The following HHIPL1 variants were observed in gnomAD, a reference collection of about 807,000 sequenced individuals.
The protein encoded by HHIPL1 is HHIP-like protein 1.
HHIPL1 carries 43 observed loss-of-function variants against 61.8 expected under a neutral mutation model. That is an observed-to-expected ratio of 0.70 (90% CI 0.55 to 0.90). The LOEUF (loss-of-function observed/expected upper bound fraction) is 0.90, where lower values mean the gene tolerates loss of function less well. Ranked by LOEUF, HHIPL1 falls within the 40% of genes least tolerant of loss-of-function variation. The pLI, the probability that HHIPL1 is intolerant of heterozygous loss-of-function variation, is 0.00. For missense variants in HHIPL1, 1,056 were observed against 1,157.7 expected (o/e 0.91, Z 1.28); for synonymous variants, 482 against 515.8 (o/e 0.93, Z 0.89).
At chr14:99,620,515 G>A in the HHIPL1 span, among the ~76,000 whole-genome samples, 1 of 152,268 alleles carries the variant, frequency 6.6e-6, no homozygotes, top group Non-Finnish European at 1.5e-5. Context: ...GAGAAGAGGG[G>A]TGTCCAGGCT....
At chr14:99,637,260 G>GAAAT in the HHIPL1 span, among the ~76,000 whole-genome samples, 2 of 145,376 alleles carry the variant, frequency 1.4e-5, no homozygotes, top group African/African-American at 5.2e-5. Context: ...AAGAAAGAAA[G>GAAAT]AAAGAAAAAG....
chr14:99,626,290 G>A, the HHIPL1 span, among the ~76,000 whole-genome samples: 3 of 152,092 alleles, frequency 2.0e-5, no homozygotes, highest in African/African-American at 7.2e-5. Context: ...GTGTGTGTGT[G>A]TATGCATGTG....
chr14:99,646,396 G>A (rs1471185337), intron 1 of HHIPL1, among the ~76,000 whole-genome samples: 2 of 152,264 alleles, frequency 1.3e-5, no homozygotes, highest in African/African-American at 2.4e-5. Context: ...GGGCAAGAAG[G>A]CTGACTTGGA....
At chr14:99,630,622 A>G in the HHIPL1 span, among the ~76,000 whole-genome samples, 1 of 152,208 alleles carries the variant, frequency 6.6e-6, no homozygotes, top group African/African-American at 2.4e-5. Context: ...ACGGAGGGGA[A>G]GGGTCCACCG....
chr14:99,659,318 C>T, intron 3 of HHIPL1, 110 bp from the exon 4 acceptor site: 1 of 835,780 alleles, frequency 1.2e-6, no homozygotes, highest in Non-Finnish European at 1.7e-6. Context: ...CCTAGGCTCA[C>T]CCTGCACCTG....
intron 5 of HHIPL1, among the ~76,000 whole-genome samples, chr14:99,662,457 T>C (rs540051168): frequency 6.6e-6 from 1 of 152,316 alleles, no homozygotes; most frequent in South Asian, 2.1e-4. Flanking sequence ...GTGGGCTGGA[T>C]TGCATTCAGC....
At chr14:99,637,200 GGAAGAAAGAAAGAAAGA>G in the HHIPL1 span, among the ~76,000 whole-genome samples, 661 of 104,252 alleles carry the variant, frequency 6.3e-3, 4 homozygotes, top group Non-Finnish European at 9.1e-3. Flanking sequence ...AAGAAAGAAA[GGAAGAAAGAAAGAAAGA>G]AAGAAAGAAA....
At chr14:99,657,335 A>C (rs2056065632) in intron 3 of HHIPL1, among the ~76,000 whole-genome samples, 192 bp downstream of exon 3, 1 of 152,164 alleles carries the variant, frequency 6.6e-6, no homozygotes, top group South Asian at 2.1e-4. Flanking sequence ...GAGGGGGTAA[A>C]AGTCCACTCT....
At chr14:99,633,354 G>T in the HHIPL1 span, among the ~76,000 whole-genome samples, 1 of 152,206 alleles carries the variant, frequency 6.6e-6, no homozygotes, top group South Asian at 2.1e-4. Context: ...GGCACTGTGG[G>T]GACACCCAGG....
At chr14:99,632,132 G>A in the HHIPL1 span, among the ~76,000 whole-genome samples, 22 of 152,324 alleles carry the variant, frequency 1.4e-4, no homozygotes, top group African/African-American at 4.8e-4. Context: ...TCTGTCATCC[G>A]TCTGCAACTG....
chr14:99,659,406 C>G (rs1362761984), intron 3 of HHIPL1, 22 bp from the exon 4 acceptor site: 1 of 1,405,022 alleles, frequency 7.1e-7, no homozygotes, highest in Non-Finnish European at 9.2e-7. Flanking sequence ...CCGAGCCGCG[C>G]CCTCTCCCAC....
rs776186430 is a variant in HHIPL1, at chr14:99,660,275, C to T, written c.1376-5C>T. ...ACCGAAGCTTCTCTCCCTCCCACCC[C>T]GCAGATGACTTGCTGCCGATTTTCG... is the stretch of plus-strand genomic sequence containing the variant. On this transcript the variant is annotated splice_region_variant and splice_polypyrimidine_tract_variant and intron_variant, in intron 4 of 8. Coordinates refer to ENST00000330710, the MANE Select transcript of HHIPL1 (RefSeq NM_001127258.3). This position sits in a 1 kb window ranked among gnomAD's most constrained non-coding sequence, Gnocchi z 4.9. The T allele has an allele frequency of 6.2e-7, 1 of 1,613,920 alleles. No individual in the cohort carries two copies. The highest frequency in any genetic ancestry group is 8.5e-7 in the Non-Finnish European group (1 of 1,180,008).
intron 8 of HHIPL1, among the ~76,000 whole-genome samples, chr14:99,674,472 C>A (rs2056363141): frequency 6.6e-6 from 1 of 152,084 alleles, no homozygotes; most frequent in Non-Finnish European, 1.5e-5. Context: ...CCAGAGTTCC[C>A]CCATCGTACC....
chr14:99,660,906 C>G lies in HHIPL1; in HGVS notation c.1502+500C>G, dbSNP rs937277641. 2.0e-5 allele frequency among the ~76,000 whole-genome samples: 3 copies of G among 152,202 alleles called. No homozygotes were observed. The highest frequency in any genetic ancestry group is 4.4e-5 in the Non-Finnish European group (3 of 68,030). On this transcript the variant is annotated intron_variant, in intron 5 of 8. Transcript: ENST00000330710. This position sits in a 1 kb window ranked among gnomAD's most constrained non-coding sequence, Gnocchi z 4.9. ...GTTGAGAAACTAAGACCCGAGAGAA[C>G]AGTGGCTGCCCATGGGCCTCCTAAT...
chr14:99,634,675 C>T, the HHIPL1 span, among the ~76,000 whole-genome samples: 3 of 152,162 alleles, frequency 2.0e-5, no homozygotes, highest in Non-Finnish European at 4.4e-5. Flanking sequence ...GATAAGGAAA[C>T]GGGCTCAGCC....
At chr14:99,619,332 G>A in the HHIPL1 span, among the ~76,000 whole-genome samples, 3 of 151,702 alleles carry the variant, frequency 2.0e-5, no homozygotes, top group South Asian at 6.3e-4. Context: ...TGTGGTGGCG[G>A]GCACCTGTAA....
rs2056421858 is a variant in HHIPL1, at chr14:99,679,673, G to T, written c.*4047G>T. On this transcript the variant is annotated 3_prime_UTR_variant, in exon 9 of 9. Coordinates refer to ENST00000330710, the MANE Select transcript of HHIPL1 (RefSeq NM_001127258.3). ...CATTGCAAAATAGAGGTCACCAGAAGGATTACTGGATGAAAAATGAGGTAG... is the reference window on the plus strand; with the variant it reads ...CATTGCAAAATAGAGGTCACCAGAATGATTACTGGATGAAAAATGAGGTAG... The T allele has an allele frequency of 6.6e-6, 1 of 152,252 alleles. No homozygotes were observed. Among genetic ancestry groups the T allele is most frequent in the Non-Finnish European group, 1.5e-5 (1 of 68,054 alleles). 9.4% of individuals were successfully genotyped at this position (152,252 alleles called of 1,614,324 possible). A position where few individuals can be genotyped will look rare whatever the true frequency, so the allele number is the denominator to read the frequency against.
the HHIPL1 span, among the ~76,000 whole-genome samples, chr14:99,628,581 CAAAAAAAAAAAAAAAGAA>C: frequency 1.9e-5 from 1 of 53,606 alleles, no homozygotes; most frequent in Non-Finnish European, 4.2e-5. Flanking sequence ...AACTCCAACT[CAAAAAAAAAAAAAAAGAA>C]AAAAAGAAAA....
At chr14:99,628,241 C>T in the HHIPL1 span, among the ~76,000 whole-genome samples, 1 of 152,158 alleles carries the variant, frequency 6.6e-6, no homozygotes, top group Non-Finnish European at 1.5e-5. Flanking sequence ...TGTGCTGTGG[C>T]TTTGTGTGGG....
Sources: allele counts gnomAD v4.1 joint callset (sites outside exome capture counted in the v4.1 genomes callset), GRCh38; gene constraint gnomAD v4.1.1; non-coding constraint Gnocchi (gnomAD v3.1); transcripts MANE v1.5; gene names NCBI Gene and HGNC (gene_info 2026-07-23, HGNC 2026-07-21).